ANK2: variants seen among roughly 807,000 people sequenced by gnomAD.
ANK2 encodes the protein ankyrin-2.
ANK2 carries 83 observed loss-of-function variants against 360.5 expected under a neutral mutation model. The observed-to-expected ratio is 0.23, with a 90% confidence interval of 0.19 to 0.28. The LOEUF is 0.28. Among genes scored for constraint, ANK2 ranks in the 10% least tolerant of loss-of-function variants. The probability of loss-of-function intolerance (pLI) is 1.00; values close to 1 mark genes in which losing one functional copy is unlikely to be tolerated. For synonymous variants in ANK2, 1,740 were observed against 1,759.5 expected (o/e 0.99, Z 0.28); for missense variants, 4,201 against 4,795.7 (o/e 0.88, Z 3.66).
the ANK2 span, among the ~76,000 whole-genome samples, chr4:112,801,662 A>G: frequency 6.6e-6 from 1 of 152,236 alleles, no homozygotes; most frequent in Non-Finnish European, 1.5e-5. Context: ...TGGAAAAAAC[A>G]GTACATAGAG....
At chr4:112,715,707 G>A in the ANK2 span, among the ~76,000 whole-genome samples, 2 of 152,144 alleles carry the variant, frequency 1.3e-5, no homozygotes, top group African/African-American at 4.8e-5. Context: ...GTGTTACACA[G>A]TACCACCCTC....
At chr4:113,041,047 TCCA>T (rs2062826409) in intron 2 of ANK2, among the ~76,000 whole-genome samples, 1 of 152,092 alleles carries the variant, frequency 6.6e-6, no homozygotes, top group South Asian at 2.1e-4. Context: ...AATGCATCTG[TCCA>T]CCCCTCATCA....
rs566413858 is a variant in ANK2 at position 112,989,736 on chromosome 4, A to G, written c.21+85222A>G. On this transcript the variant is annotated intron_variant, in intron 2 of 30. Transcript: ENST00000503271. ...GAAGTCAGGGAACTGAAGGTTTAGT[A>G]GTAATAAATGGTATGTAAGCCAATA... 3.8e-3 allele frequency among the ~76,000 whole-genome samples: 582 copies of G among 152,356 alleles called. 3 individuals carry two copies. Among genetic ancestry groups the G allele is most frequent in the African/African-American group, 0.013 (525 of 41,590 alleles).
chr4:113,151,462 A>G (rs563155122), intron 1 of ANK2, among the ~76,000 whole-genome samples: 4 of 152,224 alleles, frequency 2.6e-5, no homozygotes, highest in Admixed American at 2.6e-4. Flanking sequence ...GCTCTTGTTA[A>G]TGATCAGCCA....
In ANK2 at chr4:113,268,525, G is replaced by GAT. The variant is rs372187871; in HGVS notation, c.1485+3530_1485+3531insAT. Among the ~76,000 whole-genome samples the GAT allele has an allele frequency of 3.4e-3, 522 of 152,190 alleles. 4 individuals are homozygous for GAT. Among genetic ancestry groups the GAT allele is most frequent in the African/African-American group, 0.012 (491 of 41,532 alleles). ...GATTATCGTGTAGTTTTTGTCATTG[G>GAT]TTCTGTTTATGTGATGGGTTACATT... On this transcript the variant is annotated intron_variant, in intron 14 of 45. Coordinates refer to ENST00000357077, the MANE Select transcript of ANK2 (RefSeq NM_001148.6).
At chr4:113,053,850 C>G (rs2068287905) in intron 1 of ANK2, among the ~76,000 whole-genome samples, 1 of 152,176 alleles carries the variant, frequency 6.6e-6, no homozygotes, top group African/African-American at 2.4e-5. Flanking sequence ...CTCTCTCATC[C>G]TCTCAAAATG....
intron 1 of ANK2, among the ~76,000 whole-genome samples, chr4:112,824,136 C>CATCCATCTATCT (rs1553928690): frequency 6.8e-6 from 1 of 147,948 alleles, no homozygotes; most frequent in Admixed American, 6.8e-5. Context: ...AGGTCTTCAG[C>CATCCATCTATCT]ATCTATCTAT....
intron 20 of ANK2, among the ~76,000 whole-genome samples, chr4:113,288,870 T>C (rs2066099260): frequency 6.6e-6 from 1 of 151,840 alleles, no homozygotes; most frequent in Non-Finnish European, 1.5e-5. Context: ...CAGCCTAGAC[T>C]GCGTGCCTTT....
At chr4:112,788,717 A>T in the ANK2 span, 8 of 1,595,126 alleles carry the variant, frequency 5.0e-6, no homozygotes, top group Non-Finnish European at 5.9e-6. Flanking sequence ...GCCATTTCAC[A>T]AAGCGGGTGA....
the ANK2 span, among the ~76,000 whole-genome samples, chr4:112,789,148 G>T: frequency 2.6e-5 from 4 of 152,116 alleles, no homozygotes; most frequent in Non-Finnish European, 4.4e-5. Context: ...TGCATGGAGG[G>T]TGCCCTTATA....
chr4:113,079,511 T>C (rs1027669783), intron 1 of ANK2, among the ~76,000 whole-genome samples: 1 of 152,240 alleles, frequency 6.6e-6, no homozygotes, highest in Non-Finnish European at 1.5e-5. Context: ...TTCTAGATTT[T>C]AAGTTATCTG....
chr4:112,754,650 G>C, the ANK2 span, among the ~76,000 whole-genome samples: 1 of 152,066 alleles, frequency 6.6e-6, no homozygotes, highest in Non-Finnish European at 1.5e-5. Context: ...GGCAGCCATT[G>C]GCTAGAGCAC....
chr4:113,110,128 C>G (rs1415452310), intron 1 of ANK2, among the ~76,000 whole-genome samples: 2 of 152,088 alleles, frequency 1.3e-5, no homozygotes, highest in African/African-American at 4.8e-5. Flanking sequence ...ACTCACAGTT[C>G]CAAATAGCTG....
rs147762240 is a variant in ANK2, at chr4:113,025,295, A to G, written c.21+120781A>G. Among the ~76,000 whole-genome samples the G allele has an allele frequency of 5.4e-3, 822 of 152,274 alleles. 3 individuals are homozygous for G. Among genetic ancestry groups the G allele is most frequent in the Non-Finnish European group, 7.6e-3 (517 of 68,026 alleles). On this transcript the variant is annotated intron_variant, in intron 2 of 30. Transcript: ENST00000503271. ...TCATACACGATGCCCCTCACCCCAC[A>G]CAATGCACATACTGTGATGTAAAAA...
In ANK2 at chr4:113,240,520, C is replaced by T. The variant is rs773812842; in HGVS notation, c.729C>T (p.Tyr243=). ...CCCCTTTGCACATAGCTGCACATTA[C>T]GGAAATGTCAACGTGGCAACTCTTC... is the stretch of plus-strand genomic sequence containing the variant. The part of the protein sequence containing the change: ...GFTPLHIAAH[Y]GNVNVATLLL... Residue 243 remains tyrosine, a synonymous_variant, in exon 8 of 46, where the codon TAC becomes TAT. Coordinates refer to ENST00000357077, the MANE Select transcript of ANK2 (RefSeq NM_001148.6). 14 of 1,613,886 alleles carry T rather than the reference C, an allele frequency of 8.7e-6. No homozygotes were observed. The highest frequency in any genetic ancestry group is 1.7e-5 in the Admixed American group (1 of 60,008).
intron 14 of ANK2, among the ~76,000 whole-genome samples, chr4:113,265,523 T>G (rs1033311030): frequency 2.6e-5 from 4 of 152,196 alleles, no homozygotes; most frequent in African/African-American, 9.7e-5. Context: ...AATTTAGACA[T>G]TCTGTATTTC....
chr4:112,759,143 C>CT, the ANK2 span, among the ~76,000 whole-genome samples: 9 of 151,694 alleles, frequency 5.9e-5, no homozygotes, highest in East Asian at 1.9e-4. Context: ...TACAAGATAG[C>CT]TTTTTTTTAA....
chr4:112,826,717 C>A (rs1203212248), intron 1 of ANK2: 15 of 834,060 alleles, frequency 1.8e-5, no homozygotes, highest in Non-Finnish European at 1.6e-5. Flanking sequence ...CCAGTGAACA[C>A]CATAATACCT....
At chr4:113,012,142 C>T (rs2054952236) in intron 2 of ANK2, among the ~76,000 whole-genome samples, 1 of 152,180 alleles carries the variant, frequency 6.6e-6, no homozygotes. Flanking sequence ...GGATTATTTA[C>T]CACGAAAATG....
Sources: allele counts gnomAD v4.1 joint callset (sites outside exome capture counted in the v4.1 genomes callset), GRCh38; gene constraint gnomAD v4.1.1; transcripts MANE v1.5; gene names NCBI Gene and HGNC (gene_info 2026-07-23, HGNC 2026-07-21).